Variants in SCAI observed in about 807,000 individuals in gnomAD.
SCAI encodes the protein protein SCAI.
In SCAI, 24 loss-of-function variants were observed where a neutral mutation model predicts 92.2. The observed-to-expected ratio is 0.26, with a 90% CI of 0.19 to 0.37. The LOEUF (loss-of-function observed/expected upper bound fraction) is 0.37. Among genes scored for constraint, SCAI ranks in the 10% least tolerant of loss-of-function variants. SCAI has a pLI of 1.00. For synonymous variants in SCAI, 261 were observed against 258.6 expected (o/e 1.01, Z -0.09); for missense variants, 450 against 736.2 (o/e 0.61, Z 4.50).
chr9:125,134,852 T>C (rs1396117355), intron 2 of SCAI, among the ~76,000 whole-genome samples: 2 of 152,194 alleles, frequency 1.3e-5, no homozygotes, highest in Admixed American at 6.5e-5. Context: ...AATTTTGTAT[T>C]TTTAGTAGAG....
At chr9:125,017,352 TAA>T (rs1332584280) in intron 9 of SCAI, among the ~76,000 whole-genome samples, 1 of 151,810 alleles carries the variant, frequency 6.6e-6, no homozygotes, top group East Asian at 1.9e-4. Flanking sequence ...TTCTTTGAAT[TAA>T]AAAAAAGTGA....
chr9:125,014,142 C>A (rs1660022598), intron 9 of SCAI, among the ~76,000 whole-genome samples: 1 of 152,162 alleles, frequency 6.6e-6, no homozygotes, highest in African/African-American at 2.4e-5. Flanking sequence ...CCCTCTCTCA[C>A]CACTCCTATT....
rs140876069 is a variant in SCAI, at chr9:125,099,760, C to G, written c.98+42873G>C. Among the ~76,000 whole-genome samples, 336 of 152,238 alleles carry G rather than the reference C, an allele frequency of 2.2e-3. 3 individuals are homozygous for G. Among genetic ancestry groups the G allele is most frequent in the African/African-American group, 7.7e-3 (321 of 41,546 alleles). ...TACTGTCTCTATGAATTTGACTACT[C>G]TAAGTACTTTGTATAAGTGGAATCA... On this transcript the variant is annotated intron_variant, in intron 2 of 17. Transcript: ENST00000336505.
At chr9:125,115,831 T>C (rs548094688) in intron 2 of SCAI, among the ~76,000 whole-genome samples, 19 of 152,302 alleles carry the variant, frequency 1.2e-4, no homozygotes, top group African/African-American at 3.8e-4. Flanking sequence ...TTTCAAGGTA[T>C]TGACAGTACA....
At chr9:125,098,930 C>T (rs1423607612) in intron 2 of SCAI, among the ~76,000 whole-genome samples, 1 of 151,994 alleles carries the variant, frequency 6.6e-6, no homozygotes, top group African/African-American at 2.4e-5. Context: ...TCAAAATTCT[C>T]CCTCCTGTTT....
intron 13 of SCAI, among the ~76,000 whole-genome samples, chr9:124,997,980 G>A (rs545468369): frequency 6.6e-6 from 1 of 151,358 alleles, no homozygotes; most frequent in East Asian, 1.9e-4. Context: ...TTTTTTTTAA[G>A]TTTTTGTAGA....
chr9:125,018,403 T>C (rs915211738), intron 9 of SCAI, among the ~76,000 whole-genome samples: 13 of 152,236 alleles, frequency 8.5e-5, no homozygotes, highest in African/African-American at 2.9e-4. Context: ...GTCAGAAATT[T>C]TGGAAACTTT....
At chr9:125,088,532 T>G (rs1834366713) in intron 2 of SCAI, among the ~76,000 whole-genome samples, 1 of 152,240 alleles carries the variant, frequency 6.6e-6, no homozygotes, top group Non-Finnish European at 1.5e-5. Context: ...CCATGATTCC[T>G]GTACAGGCTA....
At chr9:125,132,027 T>C (rs1423875114) in intron 2 of SCAI, among the ~76,000 whole-genome samples, 1 of 152,164 alleles carries the variant, frequency 6.6e-6, no homozygotes, top group African/African-American at 2.4e-5. Flanking sequence ...TTGGTCTATT[T>C]TTACACCGTG....
intron 3 of SCAI, among the ~76,000 whole-genome samples, chr9:125,049,285 T>C (rs904714692): frequency 5.9e-5 from 9 of 152,178 alleles, no homozygotes; most frequent in Non-Finnish European, 1.2e-4. Context: ...CCTCTGCTTT[T>C]GCAAAACACT....
At chr9:124,974,736 T>C (rs556773500) in intron 15 of SCAI, among the ~76,000 whole-genome samples, 2 of 152,246 alleles carry the variant, frequency 1.3e-5, no homozygotes, top group Non-Finnish European at 1.5e-5. Flanking sequence ...GAAGGACATG[T>C]ATTACAACTA....
chr9:125,143,452 G>C lies in SCAI; in HGVS notation c.-15C>G, dbSNP rs777546525. Reference sequence around the variant, plus strand: ...CCTCTGACCATCCGGCTCCTGCTCCGCCGCGGGAGCTGCTCCGGCGGCCGC... The same window carrying C: ...CCTCTGACCATCCGGCTCCTGCTCCCCCGCGGGAGCTGCTCCGGCGGCCGC... On this transcript the variant is annotated 5_prime_UTR_variant, in exon 1 of 18. Transcript: ENST00000336505. 7.4e-7 allele frequency: 1 copy of C among 1,349,330 alleles called. No individual in the cohort carries two copies. The allele number at this position is 1,349,330 out of a possible 1,614,324, so 83.6% of individuals were successfully genotyped here.
intron 15 of SCAI, chr9:124,974,297 A>C: frequency 2.3e-6 from 1 of 438,682 alleles, no homozygotes; most frequent in South Asian, 1.6e-5. Context: ...AAAATACAAA[A>C]ATTAGCTGGG....
intron 2 of SCAI, among the ~76,000 whole-genome samples, chr9:125,074,853 A>C (rs1159878630): frequency 6.6e-6 from 1 of 151,834 alleles, no homozygotes; most frequent in Non-Finnish European, 1.5e-5. Flanking sequence ...AAAAATACAA[A>C]ATTAGCCAGG....
intron 2 of SCAI, among the ~76,000 whole-genome samples, chr9:125,102,211 T>C (rs1430927988): frequency 6.6e-6 from 1 of 152,250 alleles, no homozygotes; most frequent in Non-Finnish European, 1.5e-5. Flanking sequence ...TGGTCTAATG[T>C]TTTAATATAT....
intron 14 of SCAI, among the ~76,000 whole-genome samples, chr9:124,984,312 T>C (rs1227622418): frequency 1.3e-5 from 2 of 152,108 alleles, no homozygotes; most frequent in East Asian, 3.9e-4. Context: ...GAGGGGTATA[T>C]GTAAGCAGAA....
rs374348449 is a variant in SCAI, at chr9:125,127,901, G to A, written c.98+14732C>T. 1.6e-4 allele frequency among the ~76,000 whole-genome samples: 24 copies of A among 151,944 alleles called. No homozygotes were observed. The East Asian group carries it at 1.7e-3, about 11-fold the overall frequency. On this transcript the variant is annotated intron_variant, in intron 2 of 17. Transcript: ENST00000336505. ...TGCGTTCCTGTAGTCCCAGCTACTC[G>A]GGAGGCTGAGACAGGGGAATTGCTT...
chr9:125,058,588 G>A (rs1833716640), intron 2 of SCAI, among the ~76,000 whole-genome samples: 1 of 152,116 alleles, frequency 6.6e-6, no homozygotes, highest in Non-Finnish European at 1.5e-5. Context: ...TGGTGTGTGT[G>A]TCTACATAAG....
intron 2 of SCAI, among the ~76,000 whole-genome samples, chr9:125,103,611 G>A (rs567182469): frequency 1.3e-5 from 2 of 152,226 alleles, no homozygotes; most frequent in African/African-American, 2.4e-5. Flanking sequence ...ACAGTCTCAG[G>A]TTAAACAACT....
Sources: allele counts gnomAD v4.1 joint callset (sites outside exome capture counted in the v4.1 genomes callset), GRCh38; gene constraint gnomAD v4.1.1; transcripts MANE v1.5; gene names NCBI Gene and HGNC (gene_info 2026-07-23, HGNC 2026-07-21).